Variants in FAM120A observed in about 807,000 individuals in gnomAD.
FAM120A encodes family with sequence similarity 120 member A, also known as constitutive coactivator of PPAR-gamma-like protein 1.
In FAM120A, 15 loss-of-function variants were observed where a neutral mutation model predicts 109.7. The observed-to-expected ratio is 0.14, with a 90% CI of 0.09 to 0.21. The LOEUF is 0.21. FAM120A is among the 10% of genes least tolerant of loss of function. The pLI is 1.00. For missense variants in FAM120A, 899 were observed against 1,439.3 expected (o/e 0.62, Z 6.07); for synonymous variants, 493 against 572.8 (o/e 0.86, Z 1.99).
At chr9:93,535,486 T>G (rs147937782) in intron 10 of FAM120A, among the ~76,000 whole-genome samples, 1 of 152,216 alleles carries the variant, frequency 6.6e-6, no homozygotes, top group Non-Finnish European at 1.5e-5. Context: ...GAAAAATGCA[T>G]TGTTAATGTG....
chr9:93,521,356 G>T (rs1362642997), intron 7 of FAM120A, among the ~76,000 whole-genome samples: 2 of 152,194 alleles, frequency 1.3e-5, no homozygotes, highest in African/African-American at 4.8e-5. Context: ...GGTGGCTCAT[G>T]CTTTAATCCC....
intron 3 of FAM120A, among the ~76,000 whole-genome samples, chr9:93,480,987 G>A (rs1055004036): frequency 2.6e-5 from 4 of 152,256 alleles, no homozygotes; most frequent in Admixed American, 1.3e-4. Flanking sequence ...AGCCTGCAGA[G>A]CATGGGCTCC....
Position 93,523,618 on chromosome 9 carries a change from C to A in FAM120A, c.1419-3537C>A, listed in dbSNP as rs183995451. ...CATTTCGTATTGATCTTAAGACAAA[C>A]GTGTTGACACAGTTAGGTGTCTCTG... On this transcript the variant is annotated intron_variant, in intron 7 of 17. Transcript: ENST00000277165. 1.3e-4 allele frequency among the ~76,000 whole-genome samples: 20 copies of A among 152,256 alleles called. No individual in the cohort carries two copies. The East Asian group carries it at 3.7e-3, about 28-fold the overall frequency.
chr9:93,549,364 T>C lies in FAM120A; in HGVS notation c.2160-1213T>C, dbSNP rs1462792508. On this transcript the variant is annotated intron_variant, in intron 11 of 17. Coordinates refer to ENST00000277165, the MANE Select transcript of FAM120A (RefSeq NM_014612.5). ...TAAATTGGGATAATTATTGTTCCTG[T>C]CTCAGAATTTCTATAACAGTAGATG... Among the ~76,000 whole-genome samples, 8 of 152,230 alleles carry C rather than the reference T, an allele frequency of 5.3e-5. No individual in the cohort carries two copies. The East Asian group carries it at 7.7e-4, about 15-fold the overall frequency.
chr9:93,460,209 T>C (rs1264891472), intron 1 of FAM120A, among the ~76,000 whole-genome samples: 1 of 152,222 alleles, frequency 6.6e-6, no homozygotes, highest in South Asian at 2.1e-4. Context: ...TTTTAGGATT[T>C]GAAAACTTAG....
chr9:93,485,146 G>A (rs865899405), intron 3 of FAM120A, among the ~76,000 whole-genome samples: 13 of 152,136 alleles, frequency 8.5e-5, no homozygotes, highest in Admixed American at 2.6e-4. Context: ...ATCAGACACT[G>A]TTGTTGCACG....
At chr9:93,478,401 G>A (rs193164133) in intron 3 of FAM120A, among the ~76,000 whole-genome samples, 2 of 152,122 alleles carry the variant, frequency 1.3e-5, no homozygotes, top group Non-Finnish European at 2.9e-5. Context: ...TTGATACGTT[G>A]TAGGATTTTA....
intron 11 of FAM120A, 37 bp downstream of exon 11, chr9:93,543,508 C>T (rs757456151): frequency 3.3e-5 from 53 of 1,602,556 alleles, no homozygotes; most frequent in Non-Finnish European, 4.3e-5. Flanking sequence ...CCTGGGTCCC[C>T]GCCAGGTGTA....
At chr9:93,523,560 G>A (rs367924882) in intron 7 of FAM120A, among the ~76,000 whole-genome samples, 2 of 152,214 alleles carry the variant, frequency 1.3e-5, no homozygotes, top group South Asian at 2.1e-4. Context: ...ATATCATTAC[G>A]TTGTGTTCTA....
intron 10 of FAM120A, among the ~76,000 whole-genome samples, chr9:93,540,911 G>T (rs922210497): frequency 1.3e-5 from 2 of 152,022 alleles, no homozygotes; most frequent in African/African-American, 2.4e-5. Context: ...AAAGAGAGGC[G>T]AGAACAGAGC....
chr9:93,502,596 A>ACG (rs1554778306), intron 5 of FAM120A, among the ~76,000 whole-genome samples: 4 of 150,812 alleles, frequency 2.7e-5, no homozygotes, highest in Non-Finnish European at 5.9e-5. Flanking sequence ...ACACACACAC[A>ACG]CACGCACACT....
chr9:93,512,051 C>T (rs138104638), intron 5 of FAM120A, among the ~76,000 whole-genome samples: 1 of 152,346 alleles, frequency 6.6e-6, no homozygotes, highest in African/African-American at 2.4e-5. Context: ...CTTGGCCTCC[C>T]AAAGTGGTGG....
chr9:93,539,568 A>G (rs570921784), intron 10 of FAM120A, among the ~76,000 whole-genome samples: 2 of 152,314 alleles, frequency 1.3e-5, no homozygotes, highest in East Asian at 3.9e-4. Flanking sequence ...GTTCATTTTT[A>G]TACTACCATG....
chr9:93,506,056 C>T (rs1207912190), intron 5 of FAM120A, among the ~76,000 whole-genome samples: 2 of 152,138 alleles, frequency 1.3e-5, no homozygotes, highest in Non-Finnish European at 2.9e-5. Flanking sequence ...TATCTTCATG[C>T]CACAGGATTA....
chr9:93,518,782 G>A (rs1421358284), intron 7 of FAM120A, among the ~76,000 whole-genome samples: 1 of 152,248 alleles, frequency 6.6e-6, no homozygotes, highest in Admixed American at 6.5e-5. Flanking sequence ...GCAGGGCTGG[G>A]CCGTGCACAG....
At chr9:93,456,322 G>A (rs1857547349) in intron 1 of FAM120A, among the ~76,000 whole-genome samples, 1 of 152,202 alleles carries the variant, frequency 6.6e-6, no homozygotes, top group Non-Finnish European at 1.5e-5. Context: ...TGTGGTATCA[G>A]TGTAAGGGTT....
rs115477356 is a variant in FAM120A at position 93,454,558 on chromosome 9, G to A, written c.474+2169G>A. Among the ~76,000 whole-genome samples, 1,007 of 152,322 alleles carry A rather than the reference G, an allele frequency of 6.6e-3. 14 individuals carry two copies. The highest frequency in any genetic ancestry group is 0.023 in the African/African-American group (972 of 41,566). ...TCTAAACTCAGCTTGAGAAGAGGAT[G>A]AAGAGGAGAGTCTGCCAGAGGCAGG... is the stretch of plus-strand genomic sequence containing the variant. On this transcript the variant is annotated intron_variant, in intron 1 of 17. Transcript: ENST00000277165.
chr9:93,479,542 A>C (rs1422758721), intron 3 of FAM120A, among the ~76,000 whole-genome samples: 1 of 152,120 alleles, frequency 6.6e-6, no homozygotes, highest in Non-Finnish European at 1.5e-5. Flanking sequence ...CTTAACAGCT[A>C]TTTTTCCAGT....
chr9:93,510,233 GTAGT>G (rs960366834), intron 5 of FAM120A, among the ~76,000 whole-genome samples: 9 of 152,302 alleles, frequency 5.9e-5, no homozygotes, highest in African/African-American at 1.9e-4. Context: ...TGAGTTTGTG[GTAGT>G]TAGTGTGAAG....
Sources: gnomAD v4.1 joint callset for allele counts (sites outside exome capture counted in the v4.1 genomes callset) on GRCh38, gnomAD v4.1.1 for gene constraint, MANE v1.5 for transcripts, NCBI Gene and HGNC (gene_info 2026-07-23, HGNC 2026-07-21) for gene names.